FAM131A: variants seen among roughly 807,000 people sequenced by gnomAD.
FAM131A encodes the protein protein FAM131A.
In FAM131A, 24 loss-of-function variants were observed where a neutral mutation model predicts 39.2. That is an observed-to-expected ratio of 0.61 (90% CI 0.44 to 0.86). The LOEUF (loss-of-function observed/expected upper bound fraction) is 0.86. Ranked by LOEUF, FAM131A falls within the 40% of genes least tolerant of loss-of-function variation. The pLI is 0.00. For synonymous variants in FAM131A, 202 were observed against 206.8 expected, an observed-to-expected ratio of 0.98 and a Z score of 0.20; for missense variants, 373 against 481.2, an observed-to-expected ratio of 0.78 and a Z score of 2.10.
chr3:184,336,186 C>T (rs1727075545), upstream of FAM131A: 1 of 142,958 alleles, frequency 7.0e-6, no homozygotes. This position sits in a 1 kb window ranked among gnomAD's most constrained non-coding sequence, Gnocchi z 5.5. Context: ...GCGCGGGCCG[C>T]GGGTGGGTGG....
At chr3:184,339,677 CT>C in intron 2 of FAM131A, 1 of 152,306 alleles carries the variant, frequency 6.6e-6, no homozygotes. Context: ...CCAGGCTGGT[CT>C]CCAACTCCCG....
intron 2 of FAM131A, 102 bp from the exon 3 acceptor site, chr3:184,341,622 C>T: frequency 3.3e-6 from 3 of 911,796 alleles, no homozygotes; most frequent in Non-Finnish European, 5.2e-6. Context: ...GTGTTCCTTC[C>T]TAGCTCCTGT....
At chr3:184,336,549 C>T (rs2108538712), upstream of FAM131A, among the ~76,000 whole-genome samples, 1 of 152,308 alleles carries the variant, frequency 6.6e-6, no homozygotes, top group East Asian at 1.9e-4. This position sits in a 1 kb window ranked among gnomAD's most constrained non-coding sequence, Gnocchi z 5.5. Flanking sequence ...TGGGAACCTG[C>T]TTCTCCCAGC....
rs985630974 is a variant in FAM131A at position 184,345,740 on chromosome 3, G to A, written c.*770G>A. 11 of 596,318 alleles carry A rather than the reference G, an allele frequency of 1.8e-5. No homozygotes were observed. Among genetic ancestry groups the A allele is most frequent in the African/African-American group, 7.5e-5 (4 of 53,094 alleles). 36.9% of individuals were successfully genotyped at this position (596,318 alleles called of 1,614,324 possible). On this transcript the variant is annotated 3_prime_UTR_variant, in exon 6 of 6. Coordinates refer to ENST00000383847, the MANE Select transcript of FAM131A (RefSeq NM_144635.5). ...GTGTGCTGGCGCCTCACAGCCAGCC[G>A]GGCTGCCCATTCACGCAGAGCTCTC...
chr3:184,344,511 G>T lies in FAM131A; in HGVS notation c.642G>T (p.Leu214=), dbSNP rs1384330384. 6 of 1,529,938 alleles carry T rather than the reference G, an allele frequency of 3.9e-6. No homozygotes were observed. The highest frequency in any genetic ancestry group is 2.3e-5 in the East Asian group (1 of 43,990). The allele number at this position is 1,529,938 out of a possible 1,614,324, so 94.8% of individuals were successfully genotyped here. A position where few individuals can be genotyped will look rare whatever the true frequency, so the allele number is the denominator to read the frequency against. The part of the protein sequence containing the change: ...GGMDTDMAGQ[L]PLGPHLQDLF... ...TCCTCACAGACATGGCTGGGCAGCT[G>T]CCCCTGGGGCCGCACCTCCAGGACC... Residue 214 remains leucine, a synonymous_variant, in exon 6 of 6, where the codon CTG becomes CTT. Transcript: ENST00000383847.
In FAM131A at chr3:184,338,597, C is replaced by T. The variant is rs968839272; in HGVS notation, c.231+68C>T. ...TATAAAGGGGATCTGCAGCCCCCAC[C>T]CACGCCTGGCCAGCCAGCTTCTGGC... On this transcript the variant is annotated intron_variant, in intron 2 of 5. Transcript: ENST00000383847. 3 of 1,498,230 alleles carry T rather than the reference C, an allele frequency of 2.0e-6. No homozygotes were observed. In the Admixed American group the frequency reaches 6.8e-5, roughly 34 times the overall value. The allele number at this position is 1,498,230 out of a possible 1,614,324, so 92.8% of individuals were successfully genotyped here. A position where few individuals can be genotyped will look rare whatever the true frequency, so the allele number is the denominator to read the frequency against.
upstream of FAM131A, chr3:184,337,402 C>A: frequency 1.9e-6 from 1 of 531,270 alleles, no homozygotes; most frequent in Admixed American, 3.3e-5. Context: ...CCTGTTGGCA[C>A]TGTCTAGGGA....
In FAM131A at chr3:184,342,658, T is replaced by A. The variant is rs1248323222; in HGVS notation, c.509-86T>A. The A allele has an allele frequency of 2.5e-6, 3 of 1,223,378 alleles. No homozygotes were observed. In the African/African-American group the frequency reaches 4.4e-5, roughly 18 times the overall value. The allele number at this position is 1,223,378 out of a possible 1,614,324, so 75.8% of individuals were successfully genotyped here. ...TGACATGGGGGTTGGAGTCTTCCCA[T>A]ACCCTGTTTCTCCTCTCTCCTGTCT... On this transcript the variant is annotated intron_variant, in intron 4 of 5. Transcript: ENST00000383847. The surrounding 1 kb of genome is among the most constrained non-coding windows in gnomAD (Gnocchi z 4.6).
Position 184,342,989 on chromosome 3 carries a change from G to A in FAM131A, c.625+129G>A. The A allele has an allele frequency of 1.3e-6, 1 of 746,700 alleles. No individual in the cohort carries two copies. Among genetic ancestry groups the A allele is most frequent in the East Asian group, 2.5e-5 (1 of 40,092 alleles). The allele number at this position is 746,700 out of a possible 1,614,324, so 46.3% of individuals were successfully genotyped here. On this transcript the variant is annotated intron_variant, in intron 5 of 5. Coordinates refer to ENST00000383847, the MANE Select transcript of FAM131A (RefSeq NM_144635.5). This position sits in a 1 kb window ranked among gnomAD's most constrained non-coding sequence, Gnocchi z 4.6. ...AGAGGGACAGACTCAGTCCAGGCAG[G>A]CCTGGACACTCCAGGGACAGGAAGG...
At chr3:184,341,417 C>T in intron 2 of FAM131A, 1 of 463,288 alleles carries the variant, frequency 2.2e-6, no homozygotes, top group Admixed American at 3.7e-5. Context: ...CTTCCCTCTC[C>T]TCAGAGGTCT....
rs1250126250 is a variant in FAM131A, at chr3:184,345,828, T to C, written c.*858T>C. On this transcript the variant is annotated 3_prime_UTR_variant, in exon 6 of 6. Coordinates refer to ENST00000383847, the MANE Select transcript of FAM131A (RefSeq NM_144635.5). ...ACAGAGCTGGGACTTCATGTTCTTC[T>C]AGAGAGGGCCACAAGAGGGCCACAG... 1.3e-5 allele frequency: 7 copies of C among 525,568 alleles called. No individual in the cohort carries two copies. Among genetic ancestry groups the C allele is most frequent in the African/African-American group, 5.9e-5 (3 of 50,726 alleles). The allele number at this position is 525,568 out of a possible 1,614,324, so 32.6% of individuals were successfully genotyped here.
rs551620040 is a variant in FAM131A at position 184,341,993 on chromosome 3, C to T, written c.326-73C>T. 3.2e-5 allele frequency: 50 copies of T among 1,582,808 alleles called. No homozygotes were observed. The East Asian group carries it at 9.4e-4, about 30-fold the overall frequency. On this transcript the variant is annotated intron_variant, in intron 3 of 5. Coordinates refer to ENST00000383847, the MANE Select transcript of FAM131A (RefSeq NM_144635.5). ...TCACATGGATCCTAACTACTGCCAC[C>T]CTTCCACCTCCCTGCACCTGTGCTC...
chr3:184,341,657 A>T, intron 2 of FAM131A, 67 bp from the exon 3 acceptor site: 1 of 1,344,258 alleles, frequency 7.4e-7, no homozygotes, highest in East Asian at 2.4e-5. Flanking sequence ...TTTGCTGGGT[A>T]TGGGCATGTT....
At position 184,345,437 on chromosome 3, in the gene FAM131A, T is replaced by C. The variant is rs868269922; in HGVS notation, c.*467T>C. On this transcript the variant is annotated 3_prime_UTR_variant, in exon 6 of 6. Coordinates refer to ENST00000383847, the MANE Select transcript of FAM131A (RefSeq NM_144635.5). Reference sequence around the variant, plus strand: ...AGTGCTTGATAGAATCACCCCCACCTGGAGGGGCTGGCTCCTGCCCTCCCG... The same window carrying C: ...AGTGCTTGATAGAATCACCCCCACCCGGAGGGGCTGGCTCCTGCCCTCCCG... 40 of 682,014 alleles carry C rather than the reference T, an allele frequency of 5.9e-5. No individual in the cohort carries two copies. The Middle Eastern group carries it at 9.9e-4, about 17-fold the overall frequency. 42.2% of individuals were successfully genotyped at this position (682,014 alleles called of 1,614,324 possible).
Position 184,345,728 on chromosome 3 carries a change from TCA to T in FAM131A, c.*761_*762del. On this transcript the variant is annotated 3_prime_UTR_variant, in exon 6 of 6. Transcript: ENST00000383847. ...GATGTGCGGGCAGTGTGCTGGCGCCTCACAGCCAGCCGGGCTGCCCATTCACG... is the reference window on the plus strand; with the variant it reads ...GATGTGCGGGCAGTGTGCTGGCGCCTCAGCCAGCCGGGCTGCCCATTCACG... 3.4e-6 allele frequency: 2 copies of T among 596,892 alleles called. No homozygotes were observed. Among genetic ancestry groups the T allele is most frequent in the Non-Finnish European group, 5.9e-6 (2 of 337,780 alleles). 37.0% of individuals were successfully genotyped at this position (596,892 alleles called of 1,614,324 possible).
intron 5 of FAM131A, among the ~76,000 whole-genome samples, chr3:184,344,044 GGCACGATCTCGGCTCACTGCAACCTCC>G (rs1727495441): frequency 1.3e-5 from 2 of 152,028 alleles, no homozygotes; most frequent in East Asian, 3.9e-4. Flanking sequence ...GGAGTGCAAT[GGCACGATCTCGGCTCACTGCAACCTCC>G]GCCTCCCAGG....
At chr3:184,341,610 TG>T in intron 2 of FAM131A, 113 bp from the exon 3 acceptor site, 1 of 768,218 alleles carries the variant, frequency 1.3e-6, no homozygotes, top group Non-Finnish European at 2.2e-6. Context: ...GGGACATATG[TG>T]GTGTTCCTTC....
At chr3:184,341,912 T>A in intron 3 of FAM131A, 95 bp downstream of exon 3, 2 of 1,504,528 alleles carry the variant, frequency 1.3e-6, no homozygotes, top group East Asian at 4.5e-5. Flanking sequence ...CATGCTGGGG[T>A]CTCCCCTTTC....
chr3:184,340,252 C>T (rs1727312732), intron 2 of FAM131A: 1 of 151,524 alleles, frequency 6.6e-6, no homozygotes, highest in Non-Finnish European at 1.5e-5. Context: ...CACCTTGGCC[C>T]CTTGGCCTCC....
Sources: allele counts gnomAD v4.1 joint callset (sites outside exome capture counted in the v4.1 genomes callset), GRCh38; gene constraint gnomAD v4.1.1; non-coding constraint Gnocchi (gnomAD v3.1); transcripts MANE v1.5; gene names NCBI Gene and HGNC (gene_info 2026-07-23, HGNC 2026-07-21).